NRIP2: variants seen among roughly 807,000 people sequenced by gnomAD.
NRIP2 encodes nuclear receptor interacting protein 2.
NRIP2 carries 27 observed loss-of-function variants against 34.1 expected under a neutral mutation model. That is an observed-to-expected ratio of 0.79 (90% confidence interval 0.58 to 1.09). NRIP2 has a LOEUF of 1.09. Ranked by LOEUF, NRIP2 falls within the 50% of genes least tolerant of loss-of-function variation. The pLI is 0.00. For missense variants in NRIP2, 385 were observed against 352.6 expected, an observed-to-expected ratio of 1.09 and a Z score of -0.74; for synonymous variants, 145 against 146.9, an observed-to-expected ratio of 0.99 and a Z score of 0.09.
Position 2,827,000 on chromosome 12 carries a change from G to A in NRIP2, c.*207C>T. The A allele has an allele frequency of 7.2e-7, 1 of 1,388,802 alleles. No homozygotes were observed. Among genetic ancestry groups the A allele is most frequent in the South Asian group, 1.7e-5 (1 of 59,800 alleles). The allele number at this position is 1,388,802 out of a possible 1,614,324, so 86.0% of individuals were successfully genotyped here. On this transcript the variant is annotated 3_prime_UTR_variant, in exon 6 of 6. Transcript: ENST00000337508. ...ATCCTGGCATCGTGGGCCCTCTAGT[G>A]AAAACTCGTCCTGGGGAGTAGGACA...
In NRIP2 at chr12:2,830,735, C is replaced by A. The variant is rs775325636; in HGVS notation, c.468G>T (p.Glu156Asp). 6.2e-7 allele frequency: 1 copy of A among 1,613,252 alleles called. No homozygotes were observed. The highest frequency in any genetic ancestry group is 1.7e-5 in the Admixed American group (1 of 59,930). Residue 156 changes from glutamate to aspartate, a missense_variant, in exon 2 of 6, where the codon GAG (glutamate) becomes GAT (aspartate). Transcript: ENST00000337508. The part of the protein sequence containing the change: ...QESRRKTSRT[E>D]IPALLVNCKC... ...TGCAGTTGACCAGAAGAGCTGGAATCTCTGTCCTGCTGGTCTTCCTCCTGC... is the reference window on the plus strand; with the variant it reads ...TGCAGTTGACCAGAAGAGCTGGAATATCTGTCCTGCTGGTCTTCCTCCTGC...
At position 2,826,666 on chromosome 12, in the gene NRIP2, G is replaced by C. The variant is rs1047967011; in HGVS notation, c.*541C>G. 6.3e-6 allele frequency: 1 copy of C among 158,260 alleles called. No individual in the cohort carries two copies. The highest frequency in any genetic ancestry group is 2.4e-5 in the African/African-American group (1 of 41,472). 9.8% of individuals were successfully genotyped at this position (158,260 alleles called of 1,614,324 possible). Reference sequence around the variant, plus strand: ...CCGCTCTTTGTTGTATTGAATTCTGGCTGTTTCTTCCCCCACTCAACTGTG... The same window carrying C: ...CCGCTCTTTGTTGTATTGAATTCTGCCTGTTTCTTCCCCCACTCAACTGTG... On this transcript the variant is annotated 3_prime_UTR_variant, in exon 6 of 6. Transcript: ENST00000337508.
rs569374310 is a variant in NRIP2, at chr12:2,826,510, C to A, written c.*697G>T. The A allele has an allele frequency of 6.6e-6, 1 of 152,296 alleles. No homozygotes were observed. The highest frequency in any genetic ancestry group is 2.1e-4 in the South Asian group (1 of 4,816). The allele number at this position is 152,296 out of a possible 1,614,324, so 9.4% of individuals were successfully genotyped here. A position where few individuals can be genotyped will look rare whatever the true frequency, so the allele number is the denominator to read the frequency against. On this transcript the variant is annotated 3_prime_UTR_variant, in exon 6 of 6. Coordinates refer to ENST00000337508, the MANE Select transcript of NRIP2 (RefSeq NM_031474.3). ...AAAAGCCAGTGGAAACGGATAAATA[C>A]CTATAGCGTTAATAGCAGAAGTATG...
At chr12:2,834,218 G>A (rs955422999) in intron 1 of NRIP2, among the ~76,000 whole-genome samples, 2 of 152,196 alleles carry the variant, frequency 1.3e-5, no homozygotes, top group African/African-American at 2.4e-5. Context: ...TGAGGAGAAA[G>A]GACAAGTGGA....
At chr12:2,829,091 G>A (rs1156916689) in intron 2 of NRIP2, among the ~76,000 whole-genome samples, 1 of 152,096 alleles carries the variant, frequency 6.6e-6, no homozygotes, top group Non-Finnish European at 1.5e-5. Context: ...TCATAAGTTT[G>A]GGGAAGATCT....
chr12:2,827,757 C>G lies in NRIP2; in HGVS notation c.701-80G>C. 6.2e-7 allele frequency: 1 copy of G among 1,610,294 alleles called. No individual in the cohort carries two copies. Among genetic ancestry groups the G allele is most frequent in the Non-Finnish European group, 8.5e-7 (1 of 1,178,728 alleles). On this transcript the variant is annotated intron_variant, in intron 4 of 5. Coordinates refer to ENST00000337508, the MANE Select transcript of NRIP2 (RefSeq NM_031474.3). The surrounding 1 kb of genome is among the most constrained non-coding windows in gnomAD (Gnocchi z 4.0). The stretch of plus-strand genomic sequence containing the variant: ...GCCCTCCTCTTAGCCGTTGCTCCTT[C>G]TCTGCCCACCCCATCCCCAGATCCG...
At chr12:2,828,439 T>TC in intron 2 of NRIP2, 25 bp from the exon 3 acceptor site, 1 of 1,579,736 alleles carries the variant, frequency 6.3e-7, no homozygotes, top group East Asian at 2.2e-5. Context: ...TCGTGGTGAA[T>TC]CAGTGAGTCC....
intron 1 of NRIP2, among the ~76,000 whole-genome samples, chr12:2,831,132 C>T (rs1489373918): frequency 1.3e-5 from 2 of 151,952 alleles, no homozygotes; most frequent in South Asian, 2.1e-4. Flanking sequence ...ACTTAGTAGC[C>T]GAAGGGACAT....
At position 2,829,255 on chromosome 12, in the gene NRIP2, G is replaced by A. The variant is rs370712425; in HGVS notation, c.496-841C>T. Among the ~76,000 whole-genome samples the A allele has an allele frequency of 2.4e-3, 359 of 152,026 alleles. 2 individuals carry two copies. The highest frequency in any genetic ancestry group is 8.3e-3 in the African/African-American group (343 of 41,414). ...TCAGATATGAGTAACCAAGAAGTTC[G>A]CTATTGGAAACAAAGGAAGACAACT... On this transcript the variant is annotated intron_variant, in intron 2 of 5. Coordinates refer to ENST00000337508, the MANE Select transcript of NRIP2 (RefSeq NM_031474.3).
Position 2,835,028 on chromosome 12 carries a change from G to A in NRIP2, c.-45C>T. 1 of 1,491,058 alleles carries A rather than the reference G, an allele frequency of 6.7e-7. No homozygotes were observed. The highest frequency in any genetic ancestry group is 2.4e-5 in the Admixed American group (1 of 42,508). 92.4% of individuals were successfully genotyped at this position (1,491,058 alleles called of 1,614,324 possible). A position where few individuals can be genotyped will look rare whatever the true frequency, so the allele number is the denominator to read the frequency against. ...TCTCCAATTTCCCGAGATTGCTGTA[G>A]AGGGAGTGAGACTCCGGCTGGAAAA... is the stretch of plus-strand genomic sequence containing the variant. On this transcript the variant is annotated 5_prime_UTR_variant, in exon 1 of 6. Coordinates refer to ENST00000337508, the MANE Select transcript of NRIP2 (RefSeq NM_031474.3).
Position 2,827,692 on chromosome 12 carries a change from TG to T in NRIP2, c.701-16del. On this transcript the variant is annotated splice_polypyrimidine_tract_variant and intron_variant, in intron 4 of 5. Coordinates refer to ENST00000337508, the MANE Select transcript of NRIP2 (RefSeq NM_031474.3). This position sits in a 1 kb window ranked among gnomAD's most constrained non-coding sequence, Gnocchi z 4.0. ...ACTCTCAGCATCTATAGGAACAATT[TG>T]AAAACAGAAGAGGCTGAGGGTTCCC... is the stretch of plus-strand genomic sequence containing the variant. The T allele has an allele frequency of 6.2e-7, 1 of 1,613,984 alleles. No homozygotes were observed. The highest frequency in any genetic ancestry group is 8.5e-7 in the Non-Finnish European group (1 of 1,180,038).
chr12:2,831,008 A>C, intron 1 of NRIP2, 148 bp from the exon 2 acceptor site: 1 of 701,080 alleles, frequency 1.4e-6, no homozygotes, highest in Non-Finnish European at 2.3e-6. Context: ...GGTCCCAGAT[A>C]ATGAGAGCAG....
chr12:2,827,927 C>G lies in NRIP2; in HGVS notation c.699G>C (p.Val233=), dbSNP rs1341309515. The G allele has an allele frequency of 3.1e-6, 5 of 1,613,938 alleles. No homozygotes were observed. The highest frequency in any genetic ancestry group is 4.2e-6 in the Non-Finnish European group (5 of 1,180,046). ...GCTGTTGCAGAAGGGGGGACTTACC[C>G]ACCACCTGTGCCGAGCACACCACAG... The part of the protein sequence containing the change: ...QETVVCSAQV[V]DAESPEFCLG... The change falls in exon 4 of 6, where the codon GTG becomes GTC. Residue 233 remains valine (V), a splice_region_variant and synonymous_variant. Coordinates refer to ENST00000337508, the MANE Select transcript of NRIP2 (RefSeq NM_031474.3). This position sits in a 1 kb window ranked among gnomAD's most constrained non-coding sequence, Gnocchi z 4.0.
rs996265067 is a variant in NRIP2 at position 2,834,874 on chromosome 12, G to A, written c.110C>T (p.Pro37Leu). The A allele has an allele frequency of 3.2e-5, 51 of 1,613,734 alleles. No individual in the cohort carries two copies. The highest frequency in any genetic ancestry group is 3.3e-4 in the Middle Eastern group (2 of 6,058). The change falls in exon 1 of 6, where the codon CCC (proline) becomes CTC (leucine). Residue 37 changes from proline to leucine, a missense_variant. Coordinates refer to ENST00000337508, the MANE Select transcript of NRIP2 (RefSeq NM_031474.3). ...AGTGGGCCAGGGGCTGCTCGGTGGG[G>A]GCGTCACCGAGTCCTCTCTGCTTCT... is the stretch of plus-strand genomic sequence containing the variant. ...AGRSREDSVT[P>L]PPSSPWPTPP...
At chr12:2,829,386 G>T (rs538692592) in intron 2 of NRIP2, among the ~76,000 whole-genome samples, 50 of 152,136 alleles carry the variant, frequency 3.3e-4, no homozygotes, top group Non-Finnish European at 6.0e-4. Flanking sequence ...ATATGTTACC[G>T]GAAGGTATAT....
chr12:2,833,575 A>G lies in NRIP2; in HGVS notation c.342+1067T>C, dbSNP rs372780472. On this transcript the variant is annotated intron_variant, in intron 1 of 5. Coordinates refer to ENST00000337508, the MANE Select transcript of NRIP2 (RefSeq NM_031474.3). ...GCACAGGCCTGCAGACATGCTTCCA[A>G]CCTGTCAGTACAGGCCTGGTTGAGT... 4.6e-5 allele frequency among the ~76,000 whole-genome samples: 7 copies of G among 152,026 alleles called. No individual in the cohort carries two copies. In the East Asian group the frequency reaches 1.2e-3, roughly 25 times the overall value.
At position 2,830,769 on chromosome 12, in the gene NRIP2, C is replaced by A; in HGVS notation, c.434G>T (p.Gly145Val). ...EPPRMQDLIH[G>V]QESRRKTSRT... ...GCTGGTCTTCCTCCTGCTCTCCTGG[C>A]CATGAATCAGGTCCTGCATCCGGGG... is the stretch of plus-strand genomic sequence containing the variant. Residue 145 changes from glycine to valine, a missense_variant, in exon 2 of 6, where the codon GGC (glycine) becomes GTC (valine). By Grantham distance (109) the Gly-to-Val change is moderately radical. Coordinates refer to ENST00000337508, the MANE Select transcript of NRIP2 (RefSeq NM_031474.3). The A allele has an allele frequency of 6.2e-7, 1 of 1,613,972 alleles. No individual in the cohort carries two copies. Among genetic ancestry groups the A allele is most frequent in the South Asian group, 1.1e-5 (1 of 91,036 alleles).
chr12:2,828,561 C>T (rs1462016325), intron 2 of NRIP2, 147 bp from the exon 3 acceptor site: 1 of 673,950 alleles, frequency 1.5e-6, no homozygotes, highest in Non-Finnish European at 2.5e-6. Flanking sequence ...TTATCGGGGC[C>T]AGGCGCGGTA....
At position 2,826,847 on chromosome 12, in the gene NRIP2, T is replaced by G; in HGVS notation, c.*360A>C. The G allele has an allele frequency of 2.6e-6, 1 of 377,996 alleles. No homozygotes were observed. The allele number at this position is 377,996 out of a possible 1,614,324, so 23.4% of individuals were successfully genotyped here. Reference sequence around the variant, plus strand: ...AGTTGAGTTGTGTTTGGGGTGGTATTGGGTGATGGACAAGGACAGCAGTCA... The same window carrying G: ...AGTTGAGTTGTGTTTGGGGTGGTATGGGGTGATGGACAAGGACAGCAGTCA... On this transcript the variant is annotated 3_prime_UTR_variant, in exon 6 of 6. Transcript: ENST00000337508.
Sources: allele counts gnomAD v4.1 joint callset (sites outside exome capture counted in the v4.1 genomes callset), GRCh38; gene constraint gnomAD v4.1.1; non-coding constraint Gnocchi (gnomAD v3.1); transcripts MANE v1.5; gene names NCBI Gene and HGNC (gene_info 2026-07-23, HGNC 2026-07-21).